The following SEMA3E variants were observed in gnomAD, a reference collection of about 807,000 sequenced individuals.
SEMA3E encodes semaphorin-3E.
SEMA3E carries 49 observed loss-of-function variants against 93.6 expected under a neutral mutation model. The ratio of observed to expected loss-of-function variants is 0.52; its 90% confidence interval spans 0.42 to 0.66. The LOEUF (loss-of-function observed/expected upper bound fraction) is 0.66, where lower values mean the gene tolerates loss of function less well. Among genes scored for constraint, SEMA3E ranks in the 30% least tolerant of loss-of-function variants. The probability of loss-of-function intolerance (pLI) is 0.00; values close to 1 mark genes in which losing one functional copy is unlikely to be tolerated. For missense variants in SEMA3E, 906 were observed against 964.8 expected (o/e 0.94, Z 0.81); for synonymous variants, 363 against 330.7 (o/e 1.10, Z -1.06).
intron 1 of SEMA3E, among the ~76,000 whole-genome samples, chr7:83,545,840 C>T (rs1791639071): frequency 6.9e-6 from 1 of 145,550 alleles, no homozygotes. Flanking sequence ...ATATATATCT[C>T]CAGTAGTATG....
intron 2 of SEMA3E, among the ~76,000 whole-genome samples, chr7:83,486,856 T>C (rs1418915621): frequency 2.0e-5 from 3 of 151,940 alleles, no homozygotes; most frequent in South Asian, 2.1e-4. Context: ...TAGTTAAAAG[T>C]CTCCCACTCC....
intron 16 of SEMA3E, among the ~76,000 whole-genome samples, chr7:83,380,092 C>T (rs186078025): frequency 1.6e-3 from 241 of 151,936 alleles, no homozygotes; most frequent in African/African-American, 5.3e-3. Context: ...AACTTTCTCC[C>T]AAACGTGCTT....
At chr7:83,569,834 G>A (rs914272818) in intron 1 of SEMA3E, among the ~76,000 whole-genome samples, 4 of 152,096 alleles carry the variant, frequency 2.6e-5, no homozygotes, top group African/African-American at 9.7e-5. Flanking sequence ...AACTAACAAA[G>A]ACATTCTGGA....
At chr7:83,546,796 G>A (rs966705182) in intron 1 of SEMA3E, among the ~76,000 whole-genome samples, 1 of 151,962 alleles carries the variant, frequency 6.6e-6, no homozygotes, top group East Asian at 1.9e-4. Context: ...ATGAGTGTAC[G>A]TATCTATTTA....
At chr7:83,544,570 T>C (rs189805776) in intron 1 of SEMA3E, among the ~76,000 whole-genome samples, 2 of 152,290 alleles carry the variant, frequency 1.3e-5, no homozygotes, top group Admixed American at 6.5e-5. Context: ...AAGTAATTTA[T>C]ATGCATTATC....
At chr7:83,621,925 T>C (rs1793568594) in intron 1 of SEMA3E, among the ~76,000 whole-genome samples, 1 of 151,988 alleles carries the variant, frequency 6.6e-6, no homozygotes, top group Admixed American at 6.6e-5. Context: ...TCAGGATATA[T>C]GCATGGCAAA....
chr7:83,377,730 C>T (rs1341249746), intron 16 of SEMA3E, among the ~76,000 whole-genome samples: 1 of 151,950 alleles, frequency 6.6e-6, no homozygotes, highest in Admixed American at 6.6e-5. Flanking sequence ...CCATGGTTTT[C>T]TTTACTATAA....
chr7:83,626,694 A>G (rs1793676951), intron 1 of SEMA3E, among the ~76,000 whole-genome samples: 2 of 151,938 alleles, frequency 1.3e-5, no homozygotes, highest in Non-Finnish European at 1.5e-5. Flanking sequence ...AGTTTTTCAT[A>G]TCTCTATCTT....
intron 1 of SEMA3E, among the ~76,000 whole-genome samples, chr7:83,614,324 C>T (rs1173341308): frequency 6.6e-6 from 1 of 152,036 alleles, no homozygotes; most frequent in Non-Finnish European, 1.5e-5. Flanking sequence ...GTAGTTTTCC[C>T]GTTCAAATAT....
At chr7:83,377,439 G>A (rs952286280) in intron 16 of SEMA3E, among the ~76,000 whole-genome samples, 4 of 151,848 alleles carry the variant, frequency 2.6e-5, no homozygotes, top group Admixed American at 6.6e-5. Flanking sequence ...GTAGCTACTC[G>A]ACTTTGCAGT....
intron 1 of SEMA3E, chr7:83,612,633 T>C (rs1673849009): frequency 6.6e-6 from 1 of 152,086 alleles, no homozygotes; most frequent in African/African-American, 2.4e-5. Flanking sequence ...TAATTGTAGG[T>C]TCGTCCAGTT....
intron 1 of SEMA3E, among the ~76,000 whole-genome samples, chr7:83,637,023 AGTGTGTGTGTGTGTGTATGTGTGT>A (rs1793894337): frequency 6.7e-6 from 1 of 148,886 alleles, no homozygotes; most frequent in South Asian, 2.1e-4. Context: ...TATGTGTGAG[AGTGTGTGTGTGTGTGTATGTGTGT>A]GTGTGTGTGT....
At chr7:83,642,231 C>A (rs1794021822) in intron 1 of SEMA3E, among the ~76,000 whole-genome samples, 2 of 152,080 alleles carry the variant, frequency 1.3e-5, no homozygotes, top group South Asian at 4.1e-4. Flanking sequence ...CAATAGATTT[C>A]TCTTTTATTT....
chr7:83,571,235 A>T (rs985156306), intron 1 of SEMA3E, among the ~76,000 whole-genome samples: 1 of 152,226 alleles, frequency 6.6e-6, no homozygotes, highest in Admixed American at 6.5e-5. Flanking sequence ...AGCCAGCATC[A>T]TTCTGATGCC....
intron 4 of SEMA3E, among the ~76,000 whole-genome samples, chr7:83,419,432 T>G (rs1320009757): frequency 2.0e-5 from 3 of 152,212 alleles, no homozygotes. Context: ...TTCATTTTCC[T>G]TTGGAAATTT....
chr7:83,384,375 TAG>T (rs1221171017), intron 16 of SEMA3E, among the ~76,000 whole-genome samples: 1 of 152,116 alleles, frequency 6.6e-6, no homozygotes, highest in African/African-American at 2.4e-5. Context: ...TTCTCTGTAA[TAG>T]AGACAGGTCT....
chr7:83,430,744 A>C (rs1788863861), intron 4 of SEMA3E, among the ~76,000 whole-genome samples: 1 of 152,190 alleles, frequency 6.6e-6, no homozygotes, highest in African/African-American at 2.4e-5. Flanking sequence ...CTTAAAACAT[A>C]GATGACGGAC....
chr7:83,575,982 G>A (rs1019175829), intron 1 of SEMA3E, among the ~76,000 whole-genome samples: 1 of 152,130 alleles, frequency 6.6e-6, no homozygotes, highest in African/African-American at 2.4e-5. Context: ...GTTTTCAAAC[G>A]ATGTATTGTT....
intron 4 of SEMA3E, 55 bp from the exon 5 acceptor site, chr7:83,418,538 A>T: frequency 8.5e-7 from 1 of 1,182,636 alleles, no homozygotes; most frequent in Non-Finnish European, 1.2e-6. Flanking sequence ...ATAATCATTT[A>T]ATTCCTTAGG....
Sources: gnomAD v4.1 joint callset for allele counts (sites outside exome capture counted in the v4.1 genomes callset) on GRCh38, gnomAD v4.1.1 for gene constraint, MANE v1.5 for transcripts, NCBI Gene and HGNC (gene_info 2026-07-23, HGNC 2026-07-21) for gene names.